EPB41L5: variants seen among roughly 807,000 people sequenced by gnomAD.
EPB41L5 encodes the protein band 4.1-like protein 5.
EPB41L5 carries 55 observed loss-of-function variants against 106.6 expected under a neutral mutation model. The ratio of observed to expected loss-of-function variants is 0.52; its 90% CI spans 0.42 to 0.65. The LOEUF is 0.65. EPB41L5 is among the 30% of genes least tolerant of loss of function. The pLI, the probability that EPB41L5 is intolerant of heterozygous loss-of-function variation, is 0.00. For missense variants in EPB41L5, 871 were observed against 882.1 expected (o/e 0.99, Z 0.16); for synonymous variants, 297 against 306.7 (o/e 0.97, Z 0.33).
rs572157995 is a variant in EPB41L5, at chr2:120,166,967, A to T, written c.1963-499A>T. 7.9e-5 allele frequency among the ~76,000 whole-genome samples: 12 copies of T among 152,288 alleles called. No homozygotes were observed. The East Asian group carries it at 2.1e-3, about 27-fold the overall frequency. On this transcript the variant is annotated intron_variant, in intron 22 of 24. Coordinates refer to ENST00000263713, the MANE Select transcript of EPB41L5 (RefSeq NM_020909.4). ...AACCAGGAGCAATATGGGTGTTTTT[A>T]TTGCGCTTTCTTCATGCATACATGA...
chr2:120,143,227 T>G (rs1416100162), intron 19 of EPB41L5, 96 bp downstream of exon 19: 2 of 1,297,468 alleles, frequency 1.5e-6, no homozygotes, highest in South Asian at 1.7e-5. Flanking sequence ...CAAGCTAGAT[T>G]AATGGTGCAG....
At chr2:120,093,152 G>A (rs1683524444) in intron 13 of EPB41L5, 97 bp from the exon 14 acceptor site, 2 of 974,416 alleles carry the variant, frequency 2.1e-6, no homozygotes, top group African/African-American at 3.2e-5. Flanking sequence ...GTGAAACATG[G>A]CTTGTAAAGC....
intron 20 of EPB41L5, among the ~76,000 whole-genome samples, chr2:120,146,661 A>G (rs932327128): frequency 2.6e-5 from 4 of 152,198 alleles, no homozygotes; most frequent in Admixed American, 6.5e-5. Flanking sequence ...GGGTTCTCAC[A>G]GTAATGTAGT....
intron 2 of EPB41L5, among the ~76,000 whole-genome samples, chr2:120,040,078 TATATATATAC>T (rs1679306603): frequency 6.8e-6 from 1 of 147,214 alleles, no homozygotes; most frequent in African/African-American, 2.5e-5. Flanking sequence ...TTTTTATATA[TATATATATAC>T]GTATTTAAAT....
At chr2:120,071,381 A>G (rs780514670) in intron 3 of EPB41L5, among the ~76,000 whole-genome samples, 6 of 152,356 alleles carry the variant, frequency 3.9e-5, no homozygotes, top group East Asian at 3.9e-4. Flanking sequence ...GGAAGAATCA[A>G]TATCATGAAA....
intron 16 of EPB41L5, among the ~76,000 whole-genome samples, chr2:120,114,244 T>C (rs1684850748): frequency 6.6e-6 from 1 of 152,230 alleles, no homozygotes; most frequent in African/African-American, 2.4e-5. Context: ...TTATCTTCTT[T>C]AGAGAAGTAT....
intron 17 of EPB41L5, among the ~76,000 whole-genome samples, chr2:120,130,521 C>G (rs1302745925): frequency 1.3e-5 from 2 of 152,084 alleles, no homozygotes; most frequent in Non-Finnish European, 2.9e-5. Flanking sequence ...TTAACAACAA[C>G]AAAAAGAGTA....
rs1682294776 is a variant in EPB41L5 at position 120,077,107 on chromosome 2, C to T, written c.626+16C>T. 1.2e-6 allele frequency: 2 copies of T among 1,605,540 alleles called. No homozygotes were observed. The highest frequency in any genetic ancestry group is 8.5e-7 in the Non-Finnish European group (1 of 1,176,602). On this transcript the variant is annotated intron_variant, in intron 8 of 24. Transcript: ENST00000263713. Reference sequence around the variant, plus strand: ...AGGAATACAGGTATCTGGCGTTTGACCATACTTTCTTTAAAATCACCACAA... The same window carrying T: ...AGGAATACAGGTATCTGGCGTTTGATCATACTTTCTTTAAAATCACCACAA...
At chr2:120,017,425 GCTT>G (rs1677597299) in intron 1 of EPB41L5, among the ~76,000 whole-genome samples, 1 of 152,134 alleles carries the variant, frequency 6.6e-6, no homozygotes, top group Non-Finnish European at 1.5e-5. Flanking sequence ...TTTCTGCACA[GCTT>G]CTTGTTTTCT....
intron 7 of EPB41L5, among the ~76,000 whole-genome samples, chr2:120,076,160 T>G (rs778219357): frequency 7.3e-4 from 111 of 152,230 alleles, no homozygotes; most frequent in Non-Finnish European, 1.2e-3. Context: ...TTGTGCATTG[T>G]TCAGATTTTT....
intron 16 of EPB41L5, among the ~76,000 whole-genome samples, chr2:120,103,159 TG>T (rs1684247908): frequency 6.6e-6 from 1 of 152,218 alleles, no homozygotes; most frequent in Non-Finnish European, 1.5e-5. Context: ...TTATTAAAAA[TG>T]TATTTTTGCA....
intron 4 of EPB41L5, among the ~76,000 whole-genome samples, chr2:120,073,421 G>A (rs1682014864): frequency 6.6e-6 from 1 of 152,124 alleles, no homozygotes; most frequent in Non-Finnish European, 1.5e-5. Context: ...ACTGCATTGG[G>A]GCTTAACTTT....
At chr2:120,143,256 A>C in intron 19 of EPB41L5, 125 bp downstream of exon 19, 3 of 1,127,434 alleles carry the variant, frequency 2.7e-6, no homozygotes, top group Non-Finnish European at 3.7e-6. Flanking sequence ...TTAAAAAATA[A>C]GAGTAAAGAT....
chr2:120,078,559 A>G lies in EPB41L5; in HGVS notation c.781A>G (p.Thr261Ala), dbSNP rs952835034. ...AGGAGTCCTTGTTTTTGAAGGAGAT[A>G]CCAAAATTGGCTTATTTTTTTGGTA... ...PTGVLVFEGD[T>A]KIGLFFWPKI... The change falls in exon 10 of 25, where the codon ACC becomes GCC. Residue 261 changes from threonine (T) to alanine (A), a missense_variant. Coordinates refer to ENST00000263713, the MANE Select transcript of EPB41L5 (RefSeq NM_020909.4). 1 of 1,605,814 alleles carries G rather than the reference A, an allele frequency of 6.2e-7. No individual in the cohort carries two copies. The highest frequency in any genetic ancestry group is 8.5e-7 in the Non-Finnish European group (1 of 1,176,034).
chr2:120,087,863 T>C (rs73952023), intron 11 of EPB41L5, among the ~76,000 whole-genome samples: 1 of 152,206 alleles, frequency 6.6e-6, no homozygotes, highest in Admixed American at 6.5e-5. Flanking sequence ...AAGATTACCT[T>C]TGTATCAGTT....
intron 2 of EPB41L5, among the ~76,000 whole-genome samples, chr2:120,032,302 T>C (rs1678765613): frequency 6.6e-6 from 1 of 152,038 alleles, no homozygotes; most frequent in Non-Finnish European, 1.5e-5. Context: ...TGCTTGAAAC[T>C]GGAAGATGGA....
chr2:120,087,208 T>G lies in EPB41L5; in HGVS notation c.841T>G (p.Leu281Val), dbSNP rs754092507. The change falls in exon 11 of 25, where the codon TTA becomes GTA. Residue 281 changes from leucine to valine, a missense_variant. Physicochemically the swap from Leu to Val is conservative, Grantham distance 32. Coordinates refer to ENST00000263713, the MANE Select transcript of EPB41L5 (RefSeq NM_020909.4). ...ITRLDFKKNK[L>V]TLVVVEDDDQ... is the part of the protein sequence containing the mutation. Reference sequence around the variant, plus strand: ...CAGATTGGATTTTAAGAAGAATAAATTAACCTTGGTGGTTGTAGAAGATGA... The same window carrying G: ...CAGATTGGATTTTAAGAAGAATAAAGTAACCTTGGTGGTTGTAGAAGATGA... The G allele has an allele frequency of 1.3e-4, 210 of 1,591,228 alleles. 8 individuals carry two copies. The South Asian group carries it at 2.2e-3, about 17-fold the overall frequency.
rs545031840 is a variant in EPB41L5 at position 120,125,483 on chromosome 2, C to G, written c.1338-2205C>G. 7.5e-4 allele frequency among the ~76,000 whole-genome samples: 114 copies of G among 152,262 alleles called. 1 individual carries two copies. Among genetic ancestry groups the G allele is most frequent in the African/African-American group, 2.5e-3 (105 of 41,536 alleles). On this transcript the variant is annotated intron_variant, in intron 16 of 24. Transcript: ENST00000263713. ...TTCATATGTTGAATTTTCCTAAGAA[C>G]ACTCCCTGTGCCACCCACACCTGAC...
At chr2:120,112,629 T>TA (rs1684773465) in intron 16 of EPB41L5, among the ~76,000 whole-genome samples, 2 of 152,206 alleles carry the variant, frequency 1.3e-5, no homozygotes, top group South Asian at 4.1e-4. Context: ...GGATAAATCA[T>TA]TACGGGCCCA....
Sources: gnomAD v4.1 joint callset for allele counts (sites outside exome capture counted in the v4.1 genomes callset) on GRCh38, gnomAD v4.1.1 for gene constraint, MANE v1.5 for transcripts, NCBI Gene and HGNC (gene_info 2026-07-23, HGNC 2026-07-21) for gene names.